The following COL6A5 variants were observed in gnomAD, a reference collection of about 807,000 sequenced individuals.
The protein encoded by COL6A5 is collagen type VI alpha 5 chain, also known as collagen alpha-5(VI) chain.
Under a neutral mutation model 65.6 loss-of-function variants are expected in COL6A5, and 48 were observed. That is an observed-to-expected ratio of 0.73 (90% CI 0.58 to 0.93). The LOEUF (loss-of-function observed/expected upper bound fraction) is 0.93, where lower values mean the gene tolerates loss of function less well. Ranked by LOEUF, COL6A5 falls within the 40% of genes least tolerant of loss-of-function variation. The pLI is 0.00. For synonymous variants in COL6A5, 291 were observed against 322.8 expected (o/e 0.90, Z 1.05); for missense variants, 914 against 928.3 (o/e 0.98, Z 0.20).
At chr3:130,427,931 A>C (rs1466280729), upstream of COL6A5, among the ~76,000 whole-genome samples, 1 of 152,082 alleles carries the variant, frequency 6.6e-6, no homozygotes, top group Non-Finnish European at 1.5e-5. Flanking sequence ...AGAACTAGGG[A>C]CTGGGACCAC....
chr3:130,381,698 AG>A (rs1220563610), intron 4 of COL6A5, among the ~76,000 whole-genome samples: 1 of 152,050 alleles, frequency 6.6e-6, no homozygotes, highest in East Asian at 1.9e-4. Flanking sequence ...AAATGCTTCC[AG>A]GCAATTGAAA....
chr3:130,422,679 A>T, intron 27 of COL6A5, 41 bp from the exon 28 acceptor site: 3 of 1,286,590 alleles, frequency 2.3e-6, no homozygotes, highest in Non-Finnish European at 3.3e-6. Flanking sequence ...CTTTCATAGC[A>T]AATACTTTAA....
At chr3:130,440,649 C>T in exon 3 of COL6A5, 1 of 1,613,454 alleles carries the variant, frequency 6.2e-7, no homozygotes, top group Non-Finnish European at 8.5e-7. Context: ...GCTTTGAGGG[C>T]TAAGTGTCAA....
intron 24 of COL6A5, 106 bp from the exon 25 acceptor site, chr3:130,418,763 C>T: frequency 1.2e-6 from 1 of 814,848 alleles, no homozygotes; most frequent in Non-Finnish European, 2.1e-6. Context: ...GAGCACTGAC[C>T]CCTCACTGAG....
chr3:130,386,428 C>G (rs1559871742), intron 5 of COL6A5, among the ~76,000 whole-genome samples: 1 of 152,012 alleles, frequency 6.6e-6, no homozygotes, highest in Non-Finnish European at 1.5e-5. Context: ...ACTTATTTGA[C>G]TAAACTGAAA....
chr3:130,347,351 T>C (rs1380980368), intron 1 of COL6A5, among the ~76,000 whole-genome samples: 1 of 151,296 alleles, frequency 6.6e-6, no homozygotes, highest in East Asian at 1.9e-4. Flanking sequence ...AATACAATGA[T>C]TTTATATTTA....
At chr3:130,460,924 G>A (rs1030491882) in intron 5 of COL6A5, among the ~76,000 whole-genome samples, 1 of 151,836 alleles carries the variant, frequency 6.6e-6, no homozygotes, top group African/African-American at 2.4e-5. Context: ...AGTGAGAGTG[G>A]TGGTGGTGGT....
At chr3:130,379,241 C>T (rs1034127017) in intron 3 of COL6A5, among the ~76,000 whole-genome samples, 177 bp from the exon 4 acceptor site, 2 of 152,196 alleles carry the variant, frequency 1.3e-5, no homozygotes, top group East Asian at 1.9e-4. Context: ...TTGAAGTCAA[C>T]GACCTTGTAA....
At chr3:130,405,029 C>T (rs1244746104) in intron 13 of COL6A5, among the ~76,000 whole-genome samples, 3 of 152,194 alleles carry the variant, frequency 2.0e-5, no homozygotes, top group Non-Finnish European at 4.4e-5. Context: ...GTGGGAGACA[C>T]ACAAATCATT....
At chr3:130,466,213 T>C (rs1417267150) in intron 5 of COL6A5, among the ~76,000 whole-genome samples, 1 of 152,030 alleles carries the variant, frequency 6.6e-6, no homozygotes, top group Non-Finnish European at 1.5e-5. Flanking sequence ...ATAGACCATA[T>C]TGTGGACCAT....
intron 4 of COL6A5, among the ~76,000 whole-genome samples, chr3:130,443,882 C>T (rs1709244105): frequency 6.6e-6 from 1 of 152,138 alleles, no homozygotes; most frequent in African/African-American, 2.4e-5. Context: ...TTCTCCCAAC[C>T]ATGAGTTCTG....
chr3:130,366,463 C>A (rs1935344616), intron 1 of COL6A5, among the ~76,000 whole-genome samples: 1 of 152,112 alleles, frequency 6.6e-6, no homozygotes, highest in Non-Finnish European at 1.5e-5. Flanking sequence ...CCCAGACGGC[C>A]TGTACTCTAA....
intron 10 of COL6A5, among the ~76,000 whole-genome samples, chr3:130,399,641 G>A (rs1023849651): frequency 6.6e-6 from 1 of 151,814 alleles, no homozygotes; most frequent in Non-Finnish European, 1.5e-5. Flanking sequence ...AAAGTGCTGG[G>A]ATTACAGGCA....
chr3:130,353,143 T>A (rs1443071687), intron 1 of COL6A5, among the ~76,000 whole-genome samples: 3 of 152,182 alleles, frequency 2.0e-5, no homozygotes, highest in Admixed American at 1.3e-4. Context: ...AAAGTAGCAA[T>A]GACCAGTTAA....
At chr3:130,473,941 T>C (rs1374945794) in intron 7 of COL6A5, among the ~76,000 whole-genome samples, 1 of 152,100 alleles carries the variant, frequency 6.6e-6, no homozygotes, top group Non-Finnish European at 1.5e-5. Flanking sequence ...TCTGTGTTTG[T>C]CCCTTCCTTC....
exon 7 of COL6A5, chr3:130,470,957 A>C (rs772149142): frequency 6.2e-7 from 1 of 1,610,894 alleles, no homozygotes; most frequent in Non-Finnish European, 8.5e-7. Context: ...TGGCACAGAA[A>C]ACACTGTATT....
chr3:130,370,378 A>T (rs138919967), intron 1 of COL6A5, among the ~76,000 whole-genome samples: 70 of 152,328 alleles, frequency 4.6e-4, no homozygotes, highest in African/African-American at 1.5e-3. Context: ...ACCAAGAGTC[A>T]TAGAAAGAGT....
At chr3:130,450,641 A>G (rs914523981) in intron 4 of COL6A5, among the ~76,000 whole-genome samples, 35 of 152,190 alleles carry the variant, frequency 2.3e-4, no homozygotes, top group African/African-American at 7.7e-4. Context: ...TTCAAAAGCT[A>G]ACATACGAAG....
At chr3:130,352,268 G>A (rs1164098165) in intron 1 of COL6A5, among the ~76,000 whole-genome samples, 1 of 151,880 alleles carries the variant, frequency 6.6e-6, no homozygotes, top group Non-Finnish European at 1.5e-5. Flanking sequence ...TAACAAACCT[G>A]CACATTGTGC....
Sources: allele counts gnomAD v4.1 joint callset (sites outside exome capture counted in the v4.1 genomes callset), GRCh38; gene constraint gnomAD v4.1.1; transcripts MANE v1.5; gene names NCBI Gene and HGNC (gene_info 2026-07-23, HGNC 2026-07-21).